Variants in SMARCA1 observed in about 807,000 individuals in gnomAD.
SMARCA1 encodes the protein SNF2 related chromatin remodeling ATPase 1.
A neutral mutation model predicts 93.6 loss-of-function variants in SMARCA1; 17 were observed. That is an observed-to-expected ratio of 0.18 (90% CI 0.12 to 0.27). SMARCA1 has a LOEUF of 0.27. SMARCA1 is among the 10% of genes least tolerant of loss of function. The pLI is 1.00. For synonymous variants in SMARCA1, 271 were observed against 271.4 expected, an observed-to-expected ratio of 1.00 and a Z score of 0.01; for missense variants, 630 against 819.0, an observed-to-expected ratio of 0.77 and a Z score of 2.82.
At chrX:129,512,864 G>T (rs6529385) in intron 5 of SMARCA1, among the ~76,000 whole-genome samples, 13,752 of 111,310 alleles carry the variant, frequency 0.12, 754 homozygotes, top group East Asian at 0.32. Flanking sequence ...AATTACAAGA[G>T]TCTTATAGTG....
chrX:129,508,617 C>T (rs947096349), intron 6 of SMARCA1, among the ~76,000 whole-genome samples: 1 of 112,297 alleles, frequency 8.9e-6, no homozygotes, highest in Admixed American at 9.5e-5. Context: ...GTCATGGAAG[C>T]CCACTAATGT....
chrX:129,488,610 TAAAA>T (rs35620990), intron 16 of SMARCA1, among the ~76,000 whole-genome samples: 9 of 64,945 alleles, frequency 1.4e-4, no homozygotes, highest in African/African-American at 4.8e-4. Flanking sequence ...CCTGTCTCTT[TAAAA>T]AAAAAAAAAA....
At chrX:129,491,154 T>C (rs1257066242) in intron 14 of SMARCA1, among the ~76,000 whole-genome samples, 1 of 112,103 alleles carries the variant, frequency 8.9e-6, no homozygotes, top group Non-Finnish European at 1.9e-5. Context: ...TTCTCTATTA[T>C]AAAAGGAAAG....
At position 129,508,058 on chromosome X, in the gene SMARCA1, C is replaced by G. The variant is rs748385281; in HGVS notation, c.849G>C (p.Trp283Cys). ...TCTCATAAGAAGTAACGCAAACATCCCACTCTCCTGGCATCATTTCATCAC... is the reference window on the plus strand; with the variant it reads ...TCTCATAAGAAGTAACGCAAACATCGCACTCTCCTGGCATCATTTCATCAC... ...FIRDEMMPGEWDVCVTSYEMV... is the reference protein window; with the variant it reads ...FIRDEMMPGECDVCVTSYEMV... The change falls in exon 7 of 25, where the codon TGG (tryptophan) becomes TGC (cysteine). Residue 283 changes from tryptophan (W) to cysteine (C), a missense_variant. By Grantham distance (215) the Trp-to-Cys change is radical. Coordinates refer to ENST00000371121, the MANE Select transcript of SMARCA1 (RefSeq NM_001282874.2). 1 of 1,184,328 alleles carries G rather than the reference C, an allele frequency of 8.4e-7. No individual in the cohort carries two copies. Among genetic ancestry groups the G allele is most frequent in the African/African-American group, 1.8e-5 (1 of 56,197 alleles).
chrX:129,507,742 C>T (rs1466168424), intron 7 of SMARCA1, among the ~76,000 whole-genome samples, 199 bp downstream of exon 7: 1 of 111,714 alleles, frequency 9.0e-6, no homozygotes, highest in Non-Finnish European at 1.9e-5. Flanking sequence ...TTAGTAGAGA[C>T]GGGGTTTCAC....
chrX:129,470,659 A>G (rs1388641788), intron 20 of SMARCA1, among the ~76,000 whole-genome samples: 1 of 111,303 alleles, frequency 9.0e-6, no homozygotes, highest in Non-Finnish European at 1.9e-5. Context: ...ACTTGAGGTC[A>G]GGAGTTTGAG....
chrX:129,478,185 C>T (rs923077771), intron 19 of SMARCA1, among the ~76,000 whole-genome samples: 17 of 111,803 alleles, frequency 1.5e-4, no homozygotes, highest in African/African-American at 5.2e-4. Context: ...AAGCACAGAA[C>T]CACACAAATG....
intron 14 of SMARCA1, among the ~76,000 whole-genome samples, chrX:129,491,300 T>C (rs1934120318): frequency 9.0e-6 from 1 of 111,648 alleles, no homozygotes; most frequent in South Asian, 3.7e-4. Flanking sequence ...TATCTGAAAA[T>C]GTGAGTCACA....
intron 19 of SMARCA1, among the ~76,000 whole-genome samples, chrX:129,474,890 G>C (rs1478810672): frequency 1.8e-5 from 2 of 110,557 alleles, no homozygotes; most frequent in Non-Finnish European, 3.8e-5. Context: ...TAATTCTCAT[G>C]AGATCTGATG....
At position 129,514,865 on chromosome X, in the gene SMARCA1, C is replaced by T. The variant is rs770833945; in HGVS notation, c.630+822G>A. On this transcript the variant is annotated intron_variant, in intron 5 of 24. Transcript: ENST00000371121. ...GAGTTCAAGACCAGCCTGGCCAAAA[C>T]GGTGAAACCCCATCTCTACTAAAAA... Among the ~76,000 whole-genome samples the T allele has an allele frequency of 1.2e-4, 13 of 110,039 alleles. No homozygotes were observed. The Admixed American group carries it at 1.3e-3, about 11-fold the overall frequency.
At chrX:129,449,788 C>T (rs1016200915) in intron 23 of SMARCA1, among the ~76,000 whole-genome samples, 14 of 110,184 alleles carry the variant, frequency 1.3e-4, no homozygotes, top group Non-Finnish European at 1.9e-5. Context: ...CCCCAACACA[C>T]ACACACACAA....
intron 1 of SMARCA1, among the ~76,000 whole-genome samples, chrX:129,520,988 C>T (rs1224053298): frequency 9.0e-6 from 1 of 111,038 alleles, no homozygotes; most frequent in Admixed American, 9.5e-5. Context: ...AGCGATTCTC[C>T]TGCCTCAGCC....
intron 6 of SMARCA1, among the ~76,000 whole-genome samples, chrX:129,509,184 G>A (rs1035662678): frequency 6.9e-4 from 61 of 87,943 alleles, no homozygotes; most frequent in African/African-American, 2.8e-3. Flanking sequence ...GTGAGAGTCC[G>A]TCTCAAAAAA....
At chrX:129,471,782 G>T (rs930677965) in intron 19 of SMARCA1, among the ~76,000 whole-genome samples, 1 of 112,146 alleles carries the variant, frequency 8.9e-6, no homozygotes, top group Non-Finnish European at 1.9e-5. Context: ...GCCAAGGTAT[G>T]TAAGGGGAGA....
intron 23 of SMARCA1, among the ~76,000 whole-genome samples, chrX:129,452,956 T>C (rs1379981265): frequency 1.8e-5 from 2 of 111,906 alleles, no homozygotes; most frequent in African/African-American, 6.5e-5. Context: ...TTATTATATC[T>C]GTTACGGTGA....
At chrX:129,466,105 T>A (rs944256955) in intron 21 of SMARCA1, 143 bp from the exon 22 acceptor site, 1 of 275,992 alleles carries the variant, frequency 3.6e-6, no homozygotes, top group African/African-American at 2.8e-5. Context: ...ATATATATAA[T>A]ATGTTAAATT....
At chrX:129,472,838 G>T (rs1056458768) in intron 19 of SMARCA1, among the ~76,000 whole-genome samples, 1 of 111,732 alleles carries the variant, frequency 8.9e-6, no homozygotes, top group Admixed American at 9.5e-5. Context: ...TCCTTTGGAC[G>T]CAATGTCAGA....
intron 23 of SMARCA1, among the ~76,000 whole-genome samples, chrX:129,455,387 T>C (rs1242897247): frequency 2.2e-5 from 2 of 92,046 alleles, no homozygotes; most frequent in African/African-American, 8.6e-5. Flanking sequence ...TTCTCACTCA[T>C]AAGTGGGAGT....
intron 23 of SMARCA1, among the ~76,000 whole-genome samples, chrX:129,460,583 G>A (rs371250973): frequency 1.8e-5 from 2 of 110,726 alleles, no homozygotes; most frequent in East Asian, 2.8e-4. Context: ...CCTGGGAGGC[G>A]GAGGTTGCAG....
Sources: allele counts gnomAD v4.1 joint callset (sites outside exome capture counted in the v4.1 genomes callset), GRCh38; gene constraint gnomAD v4.1.1; transcripts MANE v1.5; gene names NCBI Gene and HGNC (gene_info 2026-07-23, HGNC 2026-07-21).